Variants in GLI3 observed in about 807,000 individuals in gnomAD.
GLI3 encodes GLI family zinc finger 3.
Under a neutral mutation model 100.8 loss-of-function variants are expected in GLI3, and 20 were observed. The ratio of observed to expected loss-of-function variants is 0.20; its 90% CI spans 0.14 to 0.29. The LOEUF (loss-of-function observed/expected upper bound fraction) is 0.29, where lower values mean the gene tolerates loss of function less well. Ranked by LOEUF, GLI3 falls within the 10% of genes least tolerant of loss-of-function variation. The pLI, the probability that GLI3 is intolerant of heterozygous loss-of-function variation, is 1.00. For synonymous variants in GLI3, 938 were observed against 860.5 expected (o/e 1.09, Z -1.58); for missense variants, 2,040 against 2,128.5 (o/e 0.96, Z 0.82).
chr7:42,087,420 G>T (rs1053038179), intron 3 of GLI3, among the ~76,000 whole-genome samples: 1 of 152,194 alleles, frequency 6.6e-6, no homozygotes, highest in African/African-American at 2.4e-5. Context: ...CCTGCCTTCT[G>T]CTGGGCAGTG....
In GLI3 at chr7:42,164,553, G is replaced by A. The variant is rs1168880754; in HGVS notation, c.125-16085C>T. 5.3e-5 allele frequency among the ~76,000 whole-genome samples: 8 copies of A among 150,608 alleles called. No individual in the cohort carries two copies. In the East Asian group the frequency reaches 1.2e-3, roughly 23 times the overall value. On this transcript the variant is annotated intron_variant, in intron 2 of 14. Coordinates refer to ENST00000395925, the MANE Select transcript of GLI3 (RefSeq NM_000168.6). ...AAAAATAAAAATAAAAATAATTGCC[G>A]AGCACGGTGGCTCACGCCTGTAATC...
At chr7:42,064,208 G>A (rs148544738) in intron 4 of GLI3, among the ~76,000 whole-genome samples, 2 of 152,236 alleles carry the variant, frequency 1.3e-5, no homozygotes, top group East Asian at 3.9e-4. Context: ...GAGAAAAATG[G>A]CATGTGGGCA....
At chr7:42,047,961 G>C (rs1453807243) in intron 5 of GLI3, among the ~76,000 whole-genome samples, 2 of 152,198 alleles carry the variant, frequency 1.3e-5, no homozygotes, top group Non-Finnish European at 2.9e-5. Context: ...ACCTGATGCA[G>C]AATCACGTTT....
intron 3 of GLI3, among the ~76,000 whole-genome samples, chr7:42,132,736 A>G (rs1786323970): frequency 6.6e-6 from 1 of 152,196 alleles, no homozygotes; most frequent in African/African-American, 2.4e-5. Flanking sequence ...TTGTCATTCA[A>G]TTCTGGGATC....
Position 42,165,902 on chromosome 7 carries a change from C to T in GLI3, c.125-17434G>A, listed in dbSNP as rs13244381. Reference sequence around the variant, plus strand: ...ACAGATGCTTGGCAAATCCAAAAATCGCATATATTAAATCTTAATGTCAAG... The same window carrying T: ...ACAGATGCTTGGCAAATCCAAAAATTGCATATATTAAATCTTAATGTCAAG... On this transcript the variant is annotated intron_variant, in intron 2 of 14. Coordinates refer to ENST00000395925, the MANE Select transcript of GLI3 (RefSeq NM_000168.6). Among the ~76,000 whole-genome samples the T allele has an allele frequency of 5.3e-5, 8 of 152,240 alleles. No homozygotes were observed. In the South Asian group the frequency reaches 1.0e-3, roughly 20 times the overall value.
At chr7:42,153,034 G>GTGAC (rs1786913069) in intron 2 of GLI3, among the ~76,000 whole-genome samples, 1 of 152,202 alleles carries the variant, frequency 6.6e-6, no homozygotes, top group Non-Finnish European at 1.5e-5. Context: ...GCTCTCTATT[G>GTGAC]TGACTGAATT....
Position 41,963,025 on chromosome 7 carries a change from C to G in GLI3, c.*1305G>C, listed in dbSNP as rs1787048848. 1.3e-5 allele frequency: 2 copies of G among 152,294 alleles called. No individual in the cohort carries two copies. Among genetic ancestry groups the G allele is most frequent in the South Asian group, 4.1e-4 (2 of 4,832 alleles). The allele number at this position is 152,294 out of a possible 1,614,324, so 9.4% of individuals were successfully genotyped here. On this transcript the variant is annotated 3_prime_UTR_variant, in exon 15 of 15. Transcript: ENST00000395925. ...TTTAATCCAAAACAAAAGTACAGAT[C>G]CAGTCCACATTAAGGACTAACTGCA... is the stretch of plus-strand genomic sequence containing the variant.
chr7:42,166,801 A>G (rs1787251930), intron 2 of GLI3, among the ~76,000 whole-genome samples: 1 of 150,838 alleles, frequency 6.6e-6, no homozygotes, highest in African/African-American at 2.4e-5. Flanking sequence ...CTGGGATTAC[A>G]GGTACACGCC....
intron 2 of GLI3, among the ~76,000 whole-genome samples, chr7:42,177,808 G>A (rs763262777): frequency 3.9e-5 from 6 of 152,164 alleles, no homozygotes; most frequent in African/African-American, 1.2e-4. Flanking sequence ...CTGTCTCCTC[G>A]ACGGGCTCGT....
chr7:42,009,701 A>C (rs1362269262), intron 10 of GLI3, among the ~76,000 whole-genome samples: 3 of 152,194 alleles, frequency 2.0e-5, no homozygotes, highest in South Asian at 2.1e-4. Context: ...CATCGGCGTC[A>C]TCACTGTCCT....
chr7:42,212,621 C>T (rs1263566859), intron 2 of GLI3, among the ~76,000 whole-genome samples: 1 of 152,198 alleles, frequency 6.6e-6, no homozygotes, highest in African/African-American at 2.4e-5. Context: ...GGATTGAGAG[C>T]TAGCAATCCT....
At chr7:42,083,640 A>G (rs376678346) in intron 3 of GLI3, among the ~76,000 whole-genome samples, 4 of 152,226 alleles carry the variant, frequency 2.6e-5, no homozygotes, top group African/African-American at 9.6e-5. Flanking sequence ...GTACCATGAT[A>G]AAGTAATTTG....
intron 3 of GLI3, among the ~76,000 whole-genome samples, chr7:42,132,255 T>C (rs55807333): frequency 0.33 from 48,893 of 148,870 alleles, 9,329 homozygotes; most frequent in African/African-American, 0.54. Flanking sequence ...CGCCCGCCAC[T>C]ACGCCCGGCT....
chr7:41,966,204 G>A lies in GLI3; in HGVS notation c.2869C>T (p.Leu957=), dbSNP rs1298205454. The change falls in exon 15 of 15, where the codon CTG becomes TTG. Residue 957 remains leucine, a synonymous_variant. Transcript: ENST00000395925. This position sits in a 1 kb window ranked among gnomAD's most constrained non-coding sequence, Gnocchi z 5.8. The part of the protein sequence containing the change: ...NMERMSLKTR[L]ALLGDALEPG... ...TCGAGGGCATCCCCGAGCAGCGCCAGGCGCGTCTTCAGGCTCATCCTCTCC... is the reference window on the plus strand; with the variant it reads ...TCGAGGGCATCCCCGAGCAGCGCCAAGCGCGTCTTCAGGCTCATCCTCTCC... The A allele has an allele frequency of 2.7e-5, 44 of 1,607,054 alleles. No individual in the cohort carries two copies. Among genetic ancestry groups the A allele is most frequent in the Non-Finnish European group, 3.6e-5 (43 of 1,178,652 alleles).
intron 3 of GLI3, among the ~76,000 whole-genome samples, chr7:42,132,348 C>T (rs1357415985): frequency 1.3e-5 from 2 of 152,138 alleles, no homozygotes; most frequent in Non-Finnish European, 2.9e-5. Context: ...GATCCGCCCG[C>T]CTTGACCTCC....
intron 10 of GLI3, among the ~76,000 whole-genome samples, chr7:41,983,696 G>A (rs540961877): frequency 6.6e-6 from 1 of 152,152 alleles, no homozygotes; most frequent in Non-Finnish European, 1.5e-5. Flanking sequence ...AAATTACAAT[G>A]TGGCATGCCA....
chr7:42,117,558 C>A (rs28526175), intron 3 of GLI3, among the ~76,000 whole-genome samples: 15,457 of 152,066 alleles, frequency 0.1, 1,648 homozygotes, highest in African/African-American at 0.27. Context: ...CGATTCTGAC[C>A]CAATGAAATG....
At chr7:42,203,133 A>G (rs1272587879) in intron 2 of GLI3, among the ~76,000 whole-genome samples, 4 of 152,158 alleles carry the variant, frequency 2.6e-5, no homozygotes, top group Non-Finnish European at 4.4e-5. Flanking sequence ...AATTGTGTGT[A>G]TTTATTTAAA....
chr7:42,017,336 T>TC (rs1788793627), intron 10 of GLI3, among the ~76,000 whole-genome samples: 1 of 152,186 alleles, frequency 6.6e-6, no homozygotes, highest in Admixed American at 6.5e-5. Flanking sequence ...TCCCCAGATG[T>TC]CAGAAACAGT....
Sources: gnomAD v4.1 joint callset for allele counts (sites outside exome capture counted in the v4.1 genomes callset) on GRCh38, gnomAD v4.1.1 for gene constraint, Gnocchi (gnomAD v3.1) non-coding constraint, MANE v1.5 for transcripts, NCBI Gene and HGNC (gene_info 2026-07-23, HGNC 2026-07-21) for gene names.